The following FAM53A variants were observed in gnomAD, a reference collection of about 807,000 sequenced individuals.
FAM53A encodes family with sequence similarity 53 member A, also known as protein FAM53A.
Under a neutral mutation model 26.6 loss-of-function variants are expected in FAM53A, and 28 were observed. The observed-to-expected ratio is 1.05, with a 90% confidence interval of 0.78 to 1.45. The LOEUF (loss-of-function observed/expected upper bound fraction) is 1.45, where lower values mean the gene tolerates loss of function less well. FAM53A is among the 40% of genes most tolerant of loss of function. The pLI is 0.00. For synonymous variants in FAM53A, 290 were observed against 253.1 expected, an observed-to-expected ratio of 1.15 and a Z score of -1.38; for missense variants, 650 against 575.8, an observed-to-expected ratio of 1.13 and a Z score of -1.32.
chr4:1,595,272 G>C, the FAM53A span, among the ~76,000 whole-genome samples: 1 of 152,346 alleles, frequency 6.6e-6, no homozygotes, highest in South Asian at 2.1e-4. Flanking sequence ...CGGGCAGCAG[G>C]AGCCCCACCG....
the FAM53A span, among the ~76,000 whole-genome samples, chr4:1,590,487 A>G: frequency 3.3e-5 from 5 of 152,078 alleles, no homozygotes; most frequent in South Asian, 2.1e-4. Context: ...CTGAACCACA[A>G]TAAAAACCTT....
At chr4:1,611,733 C>G in the FAM53A span, among the ~76,000 whole-genome samples, 1 of 152,188 alleles carries the variant, frequency 6.6e-6, no homozygotes, top group Admixed American at 6.5e-5. Context: ...AGGGTGAGGG[C>G]CCCCCACCCT....
At chr4:1,624,988 A>G (rs113955480) in intron 1 of FAM53A, among the ~76,000 whole-genome samples, 161 of 108,604 alleles carry the variant, frequency 1.5e-3, no homozygotes, top group African/African-American at 6.7e-3. Context: ...CAGGGGTCAC[A>G]CCAGGTGATC....
chr4:1,634,299 C>G (rs139835026), intron 1 of FAM53A, among the ~76,000 whole-genome samples: 2,650 of 152,204 alleles, frequency 0.017, 34 homozygotes, highest in Middle Eastern at 0.027. Flanking sequence ...CTGCTGAGGG[C>G]TCCTGTTACC....
At chr4:1,625,679 G>A (rs1271880483) in intron 1 of FAM53A, among the ~76,000 whole-genome samples, 11 of 136,074 alleles carry the variant, frequency 8.1e-5, no homozygotes, top group South Asian at 5.1e-4. Flanking sequence ...TCAGGGTCAC[G>A]CCAGGTGATC....
chr4:1,633,289 G>C (rs1322909151), intron 1 of FAM53A, among the ~76,000 whole-genome samples: 3 of 152,168 alleles, frequency 2.0e-5, no homozygotes, highest in Admixed American at 6.5e-5. Context: ...TGAATGCAAA[G>C]GTCTAAAGAA....
downstream of FAM53A, among the ~76,000 whole-genome samples, chr4:1,636,486 G>C (rs1302998860): frequency 1.3e-5 from 2 of 152,234 alleles, no homozygotes; most frequent in Non-Finnish European, 2.9e-5. Flanking sequence ...CCGTTCACGG[G>C]AGATCCCGTC....
the FAM53A span, among the ~76,000 whole-genome samples, chr4:1,602,620 G>T: frequency 3.1e-4 from 47 of 152,318 alleles, no homozygotes; most frequent in African/African-American, 1.1e-3. Context: ...CTTCAAAGCT[G>T]GGGGGAGAGA....
At chr4:1,683,160 T>A (rs1715575532) in intron 1 of FAM53A, among the ~76,000 whole-genome samples, 2 of 152,204 alleles carry the variant, frequency 1.3e-5, no homozygotes, top group South Asian at 4.1e-4. Flanking sequence ...CTGCGCTAAC[T>A]AACCCAATTT....
chr4:1,586,655 C>T, the FAM53A span, among the ~76,000 whole-genome samples: 13 of 151,400 alleles, frequency 8.6e-5, no homozygotes, highest in East Asian at 3.9e-4. Flanking sequence ...TGGTGGCGGG[C>T]GCCTGTAGTC....
At chr4:1,577,426 C>T in the FAM53A span, among the ~76,000 whole-genome samples, 6 of 152,092 alleles carry the variant, frequency 3.9e-5, no homozygotes, top group South Asian at 2.1e-4. Context: ...CCACAGGGTG[C>T]GGGGTGGTAG....
intron 2 of FAM53A, among the ~76,000 whole-genome samples, 162 bp from the exon 3 acceptor site, chr4:1,657,630 A>T (rs1398126521): frequency 6.6e-6 from 1 of 152,208 alleles, no homozygotes; most frequent in Non-Finnish European, 1.5e-5. Flanking sequence ...AATTCAACTG[A>T]GTAAATGGAC....
At chr4:1,629,856 A>T (rs1034373584) in intron 1 of FAM53A, among the ~76,000 whole-genome samples, 1 of 151,934 alleles carries the variant, frequency 6.6e-6, no homozygotes, top group African/African-American at 2.4e-5. Flanking sequence ...CTGTGGCCAG[A>T]GGGCTGGCCC....
chr4:1,599,486 A>G, the FAM53A span, among the ~76,000 whole-genome samples: 1 of 152,184 alleles, frequency 6.6e-6, no homozygotes, highest in Non-Finnish European at 1.5e-5. The surrounding 1 kb of genome is among the most constrained non-coding windows in gnomAD (Gnocchi z 6.1). Flanking sequence ...CCACGGGAGC[A>G]GCACTGGACA....
At chr4:1,645,731 T>C (rs1490089156) in intron 4 of FAM53A, among the ~76,000 whole-genome samples, 2 of 152,244 alleles carry the variant, frequency 1.3e-5, no homozygotes, top group Non-Finnish European at 2.9e-5. Context: ...TCACCACCTC[T>C]GACCACCCTG....
the FAM53A span, among the ~76,000 whole-genome samples, chr4:1,595,425 G>A: frequency 6.6e-6 from 1 of 152,212 alleles, no homozygotes; most frequent in Non-Finnish European, 1.5e-5. Context: ...GAGGCTGGGG[G>A]TCCACCACAG....
At chr4:1,578,077 T>TC in the FAM53A span, among the ~76,000 whole-genome samples, 1 of 151,996 alleles carries the variant, frequency 6.6e-6, no homozygotes, top group Non-Finnish European at 1.5e-5. Context: ...CTGAGCGCCT[T>TC]CCCCTGCCAC....
chr4:1,636,019 T>C (rs1470091222), downstream of FAM53A, among the ~76,000 whole-genome samples: 1 of 151,958 alleles, frequency 6.6e-6, no homozygotes, highest in Non-Finnish European at 1.5e-5. Context: ...AATTTTCTTT[T>C]TGTATTTTTA....
intron 4 of FAM53A, among the ~76,000 whole-genome samples, chr4:1,646,133 C>T (rs1712220393): frequency 6.6e-6 from 1 of 151,812 alleles, no homozygotes; most frequent in South Asian, 2.1e-4. Context: ...CGGAGTCTTG[C>T]TCTGTCGCCC....
Sources: gnomAD v4.1 joint callset for allele counts (sites outside exome capture counted in the v4.1 genomes callset) on GRCh38, gnomAD v4.1.1 for gene constraint, Gnocchi (gnomAD v3.1) non-coding constraint, MANE v1.5 for transcripts, NCBI Gene and HGNC (gene_info 2026-07-23, HGNC 2026-07-21) for gene names.